SLC9A9: variants seen among roughly 807,000 people sequenced by gnomAD.
SLC9A9 encodes sodium/hydrogen exchanger 9.
A neutral mutation model predicts 77.8 loss-of-function variants in SLC9A9; 62 were observed. The ratio of observed to expected loss-of-function variants is 0.80; its 90% CI spans 0.65 to 0.98. SLC9A9 has a LOEUF of 0.98. Ranked by LOEUF, SLC9A9 falls within the 50% of genes least tolerant of loss-of-function variation. The pLI is 0.00. For synonymous variants in SLC9A9, 320 were observed against 283.5 expected, an observed-to-expected ratio of 1.13 and a Z score of -1.29; for missense variants, 775 against 774.9, an observed-to-expected ratio of 1.00 and a Z score of 0.00.
At chr3:143,781,233 A>G (rs1355942381) in intron 4 of SLC9A9, among the ~76,000 whole-genome samples, 1 of 152,206 alleles carries the variant, frequency 6.6e-6, no homozygotes, top group Non-Finnish European at 1.5e-5. Flanking sequence ...AATTAACAAA[A>G]TATTCTATAA....
At chr3:143,542,036 G>A (rs1454832122) in intron 9 of SLC9A9, among the ~76,000 whole-genome samples, 1 of 152,198 alleles carries the variant, frequency 6.6e-6, no homozygotes, top group East Asian at 1.9e-4. Context: ...TATAATATAT[G>A]TTGGTCGTGG....
intron 1 of SLC9A9, among the ~76,000 whole-genome samples, chr3:143,843,618 GC>G (rs1182233705): frequency 4.6e-5 from 7 of 152,160 alleles, no homozygotes; most frequent in African/African-American, 1.7e-4. Context: ...GAAGTCAAAG[GC>G]AGAATTCTAA....
chr3:143,508,526 C>T (rs2036066052), intron 9 of SLC9A9, among the ~76,000 whole-genome samples: 1 of 152,154 alleles, frequency 6.6e-6, no homozygotes, highest in South Asian at 2.1e-4. Context: ...CAAGAGCTTA[C>T]TTGTTTTATG....
At chr3:143,311,752 T>C (rs1171775585) in intron 14 of SLC9A9, among the ~76,000 whole-genome samples, 3 of 152,362 alleles carry the variant, frequency 2.0e-5, no homozygotes, top group Admixed American at 2.0e-4. Flanking sequence ...GGAGAAGAAC[T>C]ATGTTCTGAA....
chr3:143,272,250 A>G (rs1169977085), intron 14 of SLC9A9, among the ~76,000 whole-genome samples: 1 of 152,216 alleles, frequency 6.6e-6, no homozygotes, highest in African/African-American at 2.4e-5. Context: ...GCTAGTGAGG[A>G]ACAGAGACAA....
At chr3:143,838,348 G>A (rs1403569282) in intron 1 of SLC9A9, among the ~76,000 whole-genome samples, 1 of 152,188 alleles carries the variant, frequency 6.6e-6, no homozygotes, top group Non-Finnish European at 1.5e-5. Context: ...GTTTGCGATG[G>A]GCACTTAGGG....
intron 9 of SLC9A9, among the ~76,000 whole-genome samples, chr3:143,547,982 C>A (rs1410215170): frequency 1.3e-5 from 2 of 152,058 alleles, no homozygotes; most frequent in Admixed American, 1.3e-4. Context: ...AAAATTTGTT[C>A]AATGCATGAA....
At chr3:143,468,346 C>T (rs1477134142) in intron 11 of SLC9A9, among the ~76,000 whole-genome samples, 1 of 152,194 alleles carries the variant, frequency 6.6e-6, no homozygotes, top group South Asian at 2.1e-4. Flanking sequence ...TTAACTTCTT[C>T]ATTGAATTGC....
chr3:143,444,356 C>A (rs1314888844), intron 12 of SLC9A9, among the ~76,000 whole-genome samples: 2 of 152,160 alleles, frequency 1.3e-5, no homozygotes. Context: ...CAGGTTTCCA[C>A]AAAGTTGAAG....
chr3:143,781,501 A>G (rs1372783289), intron 4 of SLC9A9, among the ~76,000 whole-genome samples: 1 of 152,188 alleles, frequency 6.6e-6, no homozygotes, highest in African/African-American at 2.4e-5. Flanking sequence ...TTATTTGAGG[A>G]GGTAATATAA....
chr3:143,295,000 T>G (rs1480488854), intron 14 of SLC9A9, among the ~76,000 whole-genome samples: 1 of 152,236 alleles, frequency 6.6e-6, no homozygotes, highest in African/African-American at 2.4e-5. Flanking sequence ...TATTTAATGA[T>G]TTGGCATTAG....
intron 12 of SLC9A9, among the ~76,000 whole-genome samples, chr3:143,428,133 G>C (rs142702646): frequency 1.2e-3 from 183 of 152,210 alleles, no homozygotes; most frequent in African/African-American, 3.8e-3. Context: ...ACAAAGTGAA[G>C]AGACAACCTA....
intron 11 of SLC9A9, among the ~76,000 whole-genome samples, chr3:143,475,006 T>C (rs1384278171): frequency 6.6e-6 from 1 of 150,880 alleles, no homozygotes; most frequent in African/African-American, 2.4e-5. Flanking sequence ...TTGCCCAGGC[T>C]GGAGTGCAGT....
intron 4 of SLC9A9, among the ~76,000 whole-genome samples, chr3:143,762,517 A>G (rs2007166796): frequency 6.6e-6 from 1 of 152,130 alleles, no homozygotes; most frequent in African/African-American, 2.4e-5. Flanking sequence ...TATATTCCCA[A>G]ATAAATCTTT....
intron 4 of SLC9A9, among the ~76,000 whole-genome samples, chr3:143,761,385 TATC>T (rs1446114134): frequency 6.6e-6 from 1 of 152,068 alleles, no homozygotes; most frequent in Non-Finnish European, 1.5e-5. Flanking sequence ...CAAAAGAAAC[TATC>T]ATCAGAGTGA....
At chr3:143,845,440 T>C (rs2009811903) in intron 1 of SLC9A9, among the ~76,000 whole-genome samples, 1 of 152,240 alleles carries the variant, frequency 6.6e-6, no homozygotes, top group Non-Finnish European at 1.5e-5. Flanking sequence ...GCATTTAAGA[T>C]ATAACATTTA....
intron 12 of SLC9A9, among the ~76,000 whole-genome samples, chr3:143,404,980 T>C (rs574993899): frequency 6.6e-6 from 1 of 152,356 alleles, no homozygotes; most frequent in Admixed American, 6.5e-5. Context: ...TCTTTTCCTC[T>C]TGCTGATGGA....
chr3:143,440,658 C>T (rs189992887), intron 12 of SLC9A9, among the ~76,000 whole-genome samples: 1 of 152,170 alleles, frequency 6.6e-6, no homozygotes, highest in Non-Finnish European at 1.5e-5. Flanking sequence ...CCACAGCAAG[C>T]CTTTGCTTAC....
chr3:143,398,141 A>C (rs886825518), intron 12 of SLC9A9, among the ~76,000 whole-genome samples: 2 of 152,112 alleles, frequency 1.3e-5, no homozygotes, highest in African/African-American at 2.4e-5. Flanking sequence ...TTGACTATTC[A>C]TAGGGAAAGA....
Sources: gnomAD v4.1 joint callset for allele counts (sites outside exome capture counted in the v4.1 genomes callset) on GRCh38, gnomAD v4.1.1 for gene constraint, MANE v1.5 for transcripts, NCBI Gene and HGNC (gene_info 2026-07-23, HGNC 2026-07-21) for gene names.